METTL25: variants seen among roughly 807,000 people sequenced by gnomAD.
METTL25 encodes the protein methyltransferase like 25, also known as probable methyltransferase-like protein 25.
METTL25 carries 64 observed loss-of-function variants against 71.6 expected under a neutral mutation model. The observed-to-expected ratio is 0.89, with a 90% confidence interval of 0.73 to 1.10. METTL25 has a LOEUF of 1.10. Ranked by LOEUF, METTL25 falls within the 50% of genes least tolerant of loss-of-function variation. The pLI, the probability that METTL25 is intolerant of heterozygous loss-of-function variation, is 0.00. For synonymous variants in METTL25, 287 were observed against 250.3 expected, an observed-to-expected ratio of 1.15 and a Z score of -1.38; for missense variants, 807 against 707.0, an observed-to-expected ratio of 1.14 and a Z score of -1.60.
chr12:82,380,709 C>G (rs1276215246), intron 1 of METTL25, among the ~76,000 whole-genome samples: 1 of 152,130 alleles, frequency 6.6e-6, no homozygotes. Context: ...GTACATTATT[C>G]TAGGTTCTGA....
chr12:82,364,376 C>T (rs2136809026), intron 1 of METTL25, among the ~76,000 whole-genome samples: 1 of 152,218 alleles, frequency 6.6e-6, no homozygotes, highest in East Asian at 1.9e-4. Flanking sequence ...ACCATGTGAA[C>T]TTTTCCTACG....
At chr12:82,395,244 A>G (rs997487166) in intron 3 of METTL25, among the ~76,000 whole-genome samples, 3 of 152,076 alleles carry the variant, frequency 2.0e-5, no homozygotes, top group Middle Eastern at 3.2e-3. Flanking sequence ...TCCAGAGTTG[A>G]AGCAAAAAGA....
intron 9 of METTL25, among the ~76,000 whole-genome samples, chr12:82,473,838 G>A (rs1211675301): frequency 6.6e-6 from 1 of 152,174 alleles, no homozygotes; most frequent in East Asian, 1.9e-4. Flanking sequence ...TGTAGGACCA[G>A]AGTGACAGCC....
intron 9 of METTL25, among the ~76,000 whole-genome samples, chr12:82,472,757 G>T (rs1370009935): frequency 6.6e-6 from 1 of 151,878 alleles, no homozygotes; most frequent in Non-Finnish European, 1.5e-5. Flanking sequence ...TTATCTATTT[G>T]TACTGAGTTT....
At chr12:82,377,204 T>A (rs1224783058) in intron 1 of METTL25, among the ~76,000 whole-genome samples, 2 of 152,122 alleles carry the variant, frequency 1.3e-5, no homozygotes, top group Admixed American at 1.3e-4. Flanking sequence ...TATATGAATT[T>A]AAAAAAAATT....
At chr12:82,394,387 T>C (rs1208717721) in intron 3 of METTL25, among the ~76,000 whole-genome samples, 2 of 152,050 alleles carry the variant, frequency 1.3e-5, no homozygotes, top group African/African-American at 4.8e-5. Context: ...CATAACCTTA[T>C]TGGTGACCAT....
At chr12:82,424,385 G>C (rs1343005594) in intron 5 of METTL25, among the ~76,000 whole-genome samples, 1 of 151,980 alleles carries the variant, frequency 6.6e-6, no homozygotes, top group Non-Finnish European at 1.5e-5. Context: ...GGGGCCTGTT[G>C]TGGGGTGGGG....
At chr12:82,425,381 C>T (rs1412091729) in intron 5 of METTL25, among the ~76,000 whole-genome samples, 1 of 151,872 alleles carries the variant, frequency 6.6e-6, no homozygotes, top group East Asian at 1.9e-4. Context: ...TGGGGAATGG[C>T]AAGAGAAAAC....
intron 1 of METTL25, among the ~76,000 whole-genome samples, chr12:82,366,387 C>T (rs1373639334): frequency 1.3e-5 from 2 of 152,152 alleles, no homozygotes; most frequent in Non-Finnish European, 2.9e-5. Flanking sequence ...TTTCTTGACG[C>T]CATATGCTGC....
chr12:82,398,582 C>G (rs937434528), intron 3 of METTL25, among the ~76,000 whole-genome samples: 1 of 151,750 alleles, frequency 6.6e-6, no homozygotes, highest in African/African-American at 2.4e-5. Flanking sequence ...TTATTTATTT[C>G]TTTTGCTTCT....
At chr12:82,419,800 CG>C (rs1888316928) in intron 5 of METTL25, among the ~76,000 whole-genome samples, 1 of 151,524 alleles carries the variant, frequency 6.6e-6, no homozygotes, top group Non-Finnish European at 1.5e-5. Context: ...GAAAATGATA[CG>C]GAGGTTCCTC....
chr12:82,448,079 G>A (rs1890886155), intron 8 of METTL25, among the ~76,000 whole-genome samples: 1 of 151,994 alleles, frequency 6.6e-6, no homozygotes, highest in South Asian at 2.1e-4. Context: ...GATTTGCAAG[G>A]CTCTTTGTAT....
intron 5 of METTL25, among the ~76,000 whole-genome samples, chr12:82,417,301 AT>A (rs1888064798): frequency 6.6e-6 from 1 of 152,304 alleles, no homozygotes; most frequent in East Asian, 1.9e-4. Flanking sequence ...ATGTAGATGC[AT>A]GTGACACACA....
chr12:82,446,953 A>G (rs2137219494), intron 8 of METTL25, among the ~76,000 whole-genome samples: 1 of 152,308 alleles, frequency 6.6e-6, no homozygotes, highest in Admixed American at 6.5e-5. Context: ...TGAAGACAAC[A>G]TACCAGACTG....
At chr12:82,358,944 C>T (rs1358831157) in intron 1 of METTL25, 120 bp downstream of exon 1, 2 of 1,197,078 alleles carry the variant, frequency 1.7e-6, no homozygotes, top group Non-Finnish European at 1.2e-6. Flanking sequence ...CGGGGCGGCC[C>T]GCTGGGAAAC....
intron 1 of METTL25, among the ~76,000 whole-genome samples, chr12:82,372,780 G>A (rs1269300081): frequency 6.6e-6 from 1 of 152,064 alleles, no homozygotes; most frequent in Non-Finnish European, 1.5e-5. Context: ...CTGTGATTTT[G>A]GTTTGTTTGT....
chr12:82,399,159 A>G lies in METTL25; in HGVS notation c.896A>G (p.Gln299Arg). The G allele has an allele frequency of 6.2e-7, 1 of 1,613,530 alleles. No homozygotes were observed. The highest frequency in any genetic ancestry group is 8.5e-7 in the Non-Finnish European group (1 of 1,179,816). ...AACCAAATGGAAACCCTTCATTCTCAGCCACATCAAGAAGAAAATTTGTGT... is the reference window on the plus strand; with the variant it reads ...AACCAAATGGAAACCCTTCATTCTCGGCCACATCAAGAAGAAAATTTGTGT... ...IRNQMETLHS[Q>R]PHQEENLCFE... is the part of the protein sequence containing the mutation. The change falls in exon 4 of 12, where the codon CAG becomes CGG. Residue 299 changes from glutamine (Q) to arginine (R), a missense_variant. By Grantham distance (43) the Gln-to-Arg change is conservative. Coordinates refer to ENST00000248306, the MANE Select transcript of METTL25 (RefSeq NM_032230.3).
chr12:82,448,157 A>T (rs1214533507), intron 8 of METTL25, among the ~76,000 whole-genome samples: 1 of 152,076 alleles, frequency 6.6e-6, no homozygotes, highest in Non-Finnish European at 1.5e-5. Flanking sequence ...AAATAAGGTC[A>T]CTTAATTACT....
chr12:82,362,464 A>C (rs1010651965), intron 1 of METTL25, among the ~76,000 whole-genome samples: 1 of 152,148 alleles, frequency 6.6e-6, no homozygotes, highest in African/African-American at 2.4e-5. Flanking sequence ...ATAGAAAGGG[A>C]TATCTTTCAC....
Sources: gnomAD v4.1 joint callset for allele counts (sites outside exome capture counted in the v4.1 genomes callset) on GRCh38, gnomAD v4.1.1 for gene constraint, MANE v1.5 for transcripts, NCBI Gene and HGNC (gene_info 2026-07-23, HGNC 2026-07-21) for gene names.